The following FLRT2 variants were observed in gnomAD, a reference collection of about 807,000 sequenced individuals.
The protein encoded by FLRT2 is fibronectin leucine rich transmembrane protein 2, also known as leucine-rich repeat transmembrane protein FLRT2.
A neutral mutation model predicts 40.0 loss-of-function variants in FLRT2; 15 were observed. That is an observed-to-expected ratio of 0.38 (90% CI 0.25 to 0.58). The LOEUF (loss-of-function observed/expected upper bound fraction) is 0.58, where lower values mean the gene tolerates loss of function less well. FLRT2 is among the 20% of genes least tolerant of loss of function. FLRT2 has a pLI of 0.71. For synonymous variants in FLRT2, 380 were observed against 336.8 expected, an observed-to-expected ratio of 1.13 and a Z score of -1.41; for missense variants, 726 against 840.0, an observed-to-expected ratio of 0.86 and a Z score of 1.68.
At chr14:85,567,172 A>G (rs1890662055) in intron 1 of FLRT2, among the ~76,000 whole-genome samples, 1 of 143,780 alleles carries the variant, frequency 7.0e-6, no homozygotes, top group Non-Finnish European at 1.6e-5. Flanking sequence ...AAGTGGGTGA[A>G]AGCATCATAT....
At chr14:85,543,261 A>G (rs968405547) in intron 1 of FLRT2, among the ~76,000 whole-genome samples, 4 of 152,166 alleles carry the variant, frequency 2.6e-5, no homozygotes, top group Non-Finnish European at 4.4e-5. Flanking sequence ...GATAGTTTTT[A>G]GAATTTTTTT....
At chr14:85,557,907 T>C (rs1360556319) in intron 1 of FLRT2, among the ~76,000 whole-genome samples, 1 of 152,132 alleles carries the variant, frequency 6.6e-6, no homozygotes, top group Admixed American at 6.5e-5. Flanking sequence ...CGCTAGTTCA[T>C]GGTAGAAGGA....
intron 1 of FLRT2, among the ~76,000 whole-genome samples, chr14:85,592,800 A>AAG (rs61256537): frequency 0.2 from 24,027 of 121,528 alleles, 2,654 homozygotes; most frequent in East Asian, 0.58. Context: ...AAAAAAAAAA[A>AAG]AAAAAAAGAA....
intron 1 of FLRT2, chr14:85,551,872 A>G (rs1443002287): frequency 6.6e-6 from 1 of 152,096 alleles, no homozygotes; most frequent in East Asian, 1.9e-4. Context: ...TTTCACTTCT[A>G]TATCTCCTGT....
At chr14:85,555,977 A>G (rs762286946) in intron 1 of FLRT2, among the ~76,000 whole-genome samples, 2 of 152,162 alleles carry the variant, frequency 1.3e-5, no homozygotes, top group Non-Finnish European at 2.9e-5. Flanking sequence ...AGACGTATAC[A>G]TGTTTCTAAT....
intron 1 of FLRT2, among the ~76,000 whole-genome samples, chr14:85,559,918 A>T (rs1452028628): frequency 6.6e-6 from 1 of 152,146 alleles, no homozygotes; most frequent in Non-Finnish European, 1.5e-5. Flanking sequence ...CTTCATGTGG[A>T]TGATCTCTCT....
At chr14:85,583,961 T>TAAA (rs35631948) in intron 1 of FLRT2, among the ~76,000 whole-genome samples, 7 of 141,918 alleles carry the variant, frequency 4.9e-5, no homozygotes, top group African/African-American at 1.3e-4. Flanking sequence ...ACTGTTTCTT[T>TAAA]AAAAAAAAAA....
rs1236119217 is a variant in FLRT2 at position 85,640,764 on chromosome 14, G to A, written c.*17267G>A. On this transcript the variant is annotated 3_prime_UTR_variant, in exon 2 of 2. Transcript: ENST00000330753. ...TTGAGTAGAACATAGGCCACATAGT[G>A]TGGCAAACACATCATTAGAAACTGC... 1 of 151,546 alleles carries A rather than the reference G, an allele frequency of 6.6e-6. No homozygotes were observed. Among genetic ancestry groups the A allele is most frequent in the Non-Finnish European group, 1.5e-5 (1 of 67,980 alleles). The allele number at this position is 151,546 out of a possible 1,614,324, so 9.4% of individuals were successfully genotyped here.
At chr14:85,594,197 T>C (rs1029672945) in intron 1 of FLRT2, among the ~76,000 whole-genome samples, 1 of 152,250 alleles carries the variant, frequency 6.6e-6, no homozygotes, top group African/African-American at 2.4e-5. Context: ...AAATAAGTTT[T>C]GTTTAGTAAT....
intron 1 of FLRT2, among the ~76,000 whole-genome samples, chr14:85,615,677 T>C (rs865957397): frequency 4.0e-5 from 2 of 50,198 alleles, no homozygotes; most frequent in East Asian, 5.4e-4. Flanking sequence ...TCCCCACACC[T>C]TGGTCAGCTA....
At chr14:85,609,502 T>C (rs1345922203) in intron 1 of FLRT2, among the ~76,000 whole-genome samples, 1 of 152,190 alleles carries the variant, frequency 6.6e-6, no homozygotes, top group East Asian at 1.9e-4. Flanking sequence ...GCAAAGGTAG[T>C]TAATGGAGGT....
rs1259864710 is a variant in FLRT2, at chr14:85,643,315, C to CTTTA, written c.*19821_*19822insATTT. The CTTTA allele has an allele frequency of 3.3e-3, 335 of 102,772 alleles. 2 individuals carry two copies. The highest frequency in any genetic ancestry group is 8.4e-3 in the African/African-American group (196 of 23,468). 6.4% of individuals were successfully genotyped at this position (102,772 alleles called of 1,614,324 possible). On this transcript the variant is annotated 3_prime_UTR_variant, in exon 2 of 2. Transcript: ENST00000330753. ...TTTTTCTTTCTTTCTTTCTTTCTTT[C>CTTTA]TTTCTTTCTTTCTTTCTTTCTTTCT...
chr14:85,575,825 T>G (rs1343013207), intron 1 of FLRT2, among the ~76,000 whole-genome samples: 1 of 152,204 alleles, frequency 6.6e-6, no homozygotes, highest in Non-Finnish European at 1.5e-5. Context: ...CACGTCTGTG[T>G]GTCAAATATT....
intron 1 of FLRT2, among the ~76,000 whole-genome samples, chr14:85,588,513 T>C (rs1247837090): frequency 6.6e-6 from 1 of 151,994 alleles, no homozygotes; most frequent in Non-Finnish European, 1.5e-5. Flanking sequence ...TGTATATATT[T>C]ATGAGGTACA....
chr14:85,598,519 T>C (rs1892237038), intron 1 of FLRT2, among the ~76,000 whole-genome samples: 2 of 152,204 alleles, frequency 1.3e-5, no homozygotes, highest in Admixed American at 1.3e-4. Flanking sequence ...TTCTCTATCA[T>C]CCTTATCAGC....
Position 85,540,180 on chromosome 14 carries a change from A to G in FLRT2, c.-377+9646A>G, listed in dbSNP as rs4414422. The stretch of plus-strand genomic sequence containing the variant: ...TTTGCAAACACACACCAATAGAAAT[A>G]CAATGATTTTTTAAAATTTTGTTTT... On this transcript the variant is annotated intron_variant, in intron 1 of 1. Transcript: ENST00000330753. 2.6e-5 allele frequency among the ~76,000 whole-genome samples: 4 copies of G among 152,198 alleles called. 1 individual carries two copies. Among genetic ancestry groups the G allele is most frequent in the Admixed American group, 2.0e-4 (3 of 15,274 alleles).
intron 1 of FLRT2, among the ~76,000 whole-genome samples, chr14:85,568,367 A>C (rs1241983176): frequency 6.6e-6 from 1 of 152,096 alleles, no homozygotes; most frequent in Admixed American, 6.5e-5. Flanking sequence ...TTGTAAGGAG[A>C]GTGAACATGG....
In FLRT2 at chr14:85,631,112, T is replaced by TTATATATATATATATATATA. The variant is rs66700454; in HGVS notation, c.*7632_*7633insATATATATATATATATATAT. Reference sequence around the variant, plus strand: ...TATAATTACATATATAATCTAGATTTTATATATATATATATATGAAATGAG... The same window carrying TTATATATATATATATATATA: ...TATAATTACATATATAATCTAGATTTTATATATATATATATATATATATATATATATATATATGAAATGAG... On this transcript the variant is annotated 3_prime_UTR_variant, in exon 2 of 2. Transcript: ENST00000330753. 2,050 of 91,742 alleles carry TTATATATATATATATATATA rather than the reference T, an allele frequency of 0.022. 165 individuals are homozygous for TTATATATATATATATATATA. Among genetic ancestry groups the TTATATATATATATATATATA allele is most frequent in the Admixed American group, 0.07 (522 of 7,442 alleles). 5.7% of individuals were successfully genotyped at this position (91,742 alleles called of 1,614,324 possible).
intron 1 of FLRT2, among the ~76,000 whole-genome samples, chr14:85,599,686 T>C (rs780763620): frequency 6.6e-6 from 1 of 152,206 alleles, no homozygotes; most frequent in Non-Finnish European, 1.5e-5. Context: ...TTTCTCCTTC[T>C]CTCTCTTTTC....
Sources: gnomAD v4.1 joint callset for allele counts (sites outside exome capture counted in the v4.1 genomes callset) on GRCh38, gnomAD v4.1.1 for gene constraint, MANE v1.5 for transcripts, NCBI Gene and HGNC (gene_info 2026-07-23, HGNC 2026-07-21) for gene names.